NWD2: variants seen among roughly 807,000 people sequenced by gnomAD.
The protein encoded by NWD2 is NACHT and WD repeat domain-containing protein 2.
In NWD2, 37 loss-of-function variants were observed where a neutral mutation model predicts 132.7. The observed-to-expected ratio is 0.28, with a 90% CI of 0.21 to 0.37. NWD2 has a LOEUF of 0.37. NWD2 is among the 10% of genes least tolerant of loss of function. The pLI is 1.00. For synonymous variants in NWD2, 705 were observed against 803.0 expected, an observed-to-expected ratio of 0.88 and a Z score of 2.06; for missense variants, 1,592 against 2,122.4, an observed-to-expected ratio of 0.75 and a Z score of 4.91.
intron 1 of NWD2, among the ~76,000 whole-genome samples, chr4:37,283,890 G>T (rs1394279945): frequency 6.6e-6 from 1 of 152,126 alleles, no homozygotes; most frequent in Non-Finnish European, 1.5e-5. Context: ...TGGGGCTTCA[G>T]TTTTCTCATC....
chr4:37,412,885 A>T (rs1285487536), intron 3 of NWD2, among the ~76,000 whole-genome samples: 1 of 152,246 alleles, frequency 6.6e-6, no homozygotes, highest in African/African-American at 2.4e-5. Flanking sequence ...TGGGGAAAAC[A>T]TTCCCTATTT....
chr4:37,392,587 G>T (rs1720699143), intron 3 of NWD2, among the ~76,000 whole-genome samples: 1 of 152,170 alleles, frequency 6.6e-6, no homozygotes, highest in African/African-American at 2.4e-5. Flanking sequence ...AGAATCACTG[G>T]TGTAGATGAT....
chr4:37,261,842 G>C (rs1717643144), intron 1 of NWD2, among the ~76,000 whole-genome samples: 1 of 152,278 alleles, frequency 6.6e-6, no homozygotes, highest in African/African-American at 2.4e-5. Flanking sequence ...GTCATAAAAG[G>C]TCTGTCTGAT....
At chr4:37,344,194 T>C (rs1030698028) in intron 2 of NWD2, among the ~76,000 whole-genome samples, 2 of 152,210 alleles carry the variant, frequency 1.3e-5, no homozygotes, top group African/African-American at 4.8e-5. Flanking sequence ...TCTTGTCTTG[T>C]TGAGCACTTT....
chr4:37,353,868 C>T (rs544565799), intron 2 of NWD2, among the ~76,000 whole-genome samples: 8 of 152,128 alleles, frequency 5.3e-5, no homozygotes, highest in African/African-American at 1.7e-4. Context: ...ACTCATTCTC[C>T]GCCCAGTTTT....
intron 3 of NWD2, among the ~76,000 whole-genome samples, chr4:37,397,073 T>G (rs1469264310): frequency 6.6e-6 from 1 of 151,404 alleles, no homozygotes; most frequent in Non-Finnish European, 1.5e-5. Flanking sequence ...TTTCCTGGAA[T>G]GAATCCCTCT....
intron 3 of NWD2, among the ~76,000 whole-genome samples, chr4:37,387,225 C>G (rs28582078): frequency 0.28 from 42,140 of 151,780 alleles, 6,121 homozygotes; most frequent in Admixed American, 0.34. Context: ...AAATTAAAAA[C>G]AAATGGAATT....
intron 1 of NWD2, among the ~76,000 whole-genome samples, chr4:37,318,850 G>A (rs1011762303): frequency 2.0e-5 from 3 of 152,138 alleles, no homozygotes; most frequent in Non-Finnish European, 4.4e-5. Flanking sequence ...TGGTGTATAT[G>A]TACCACATTT....
chr4:37,420,440 C>A (rs1345332536), intron 3 of NWD2, among the ~76,000 whole-genome samples: 1 of 152,204 alleles, frequency 6.6e-6, no homozygotes, highest in Admixed American at 6.5e-5. Context: ...AATCTCAGCA[C>A]TTTGGGAGGC....
chr4:37,269,555 G>A (rs1465415574), intron 1 of NWD2, among the ~76,000 whole-genome samples: 3 of 151,826 alleles, frequency 2.0e-5, no homozygotes, highest in East Asian at 3.9e-4. Flanking sequence ...TTCTCTCACC[G>A]TTGATAGTTG....
chr4:37,416,944 G>A (rs1711630091), intron 3 of NWD2, among the ~76,000 whole-genome samples: 2 of 152,004 alleles, frequency 1.3e-5, no homozygotes, highest in Non-Finnish European at 2.9e-5. Flanking sequence ...GGAACTGGGG[G>A]GAAAGGGTGG....
chr4:37,379,122 G>A (rs1162509913), intron 3 of NWD2, among the ~76,000 whole-genome samples: 1 of 152,156 alleles, frequency 6.6e-6, no homozygotes, highest in Admixed American at 6.5e-5. Context: ...TGGTAATTCA[G>A]TGGAAAACCA....
intron 1 of NWD2, among the ~76,000 whole-genome samples, chr4:37,323,056 G>C (rs1314728735): frequency 6.6e-6 from 1 of 152,086 alleles, no homozygotes; most frequent in Non-Finnish European, 1.5e-5. Flanking sequence ...GTATGCTCTT[G>C]AGCGAGTTTT....
intron 3 of NWD2, among the ~76,000 whole-genome samples, chr4:37,394,333 A>T (rs1178191069): frequency 6.6e-6 from 1 of 152,240 alleles, no homozygotes; most frequent in Admixed American, 6.5e-5. Context: ...TGCAAGGGAG[A>T]TAATGAAATT....
chr4:37,300,111 T>A (rs541288251), intron 1 of NWD2, among the ~76,000 whole-genome samples: 2 of 152,288 alleles, frequency 1.3e-5, no homozygotes, highest in East Asian at 3.9e-4. Flanking sequence ...CCAGCTTAAT[T>A]GTAGTCTTCT....
In NWD2 at chr4:37,339,954, GT is replaced by G. The variant is rs3028269; in HGVS notation, c.240+13944del. ...GGTATTTGAATTTCTGTTTCTGGTT[GT>G]TTTTTTTTTTTTTCACTGAAGATAA... On this transcript the variant is annotated intron_variant, in intron 2 of 6. Coordinates refer to ENST00000309447, the MANE Select transcript of NWD2 (RefSeq NM_001144990.2). Among the ~76,000 whole-genome samples, 1,170 of 126,554 alleles carry G rather than the reference GT, an allele frequency of 9.2e-3. 9 individuals carry two copies. The highest frequency in any genetic ancestry group is 0.028 in the African/African-American group (982 of 34,654). The allele number at this position is 126,554 out of a possible 152,430, so 83.0% of individuals were successfully genotyped here.
At chr4:37,383,381 CAG>C (rs1196690145) in intron 3 of NWD2, among the ~76,000 whole-genome samples, 1 of 152,140 alleles carries the variant, frequency 6.6e-6, no homozygotes, top group African/African-American at 2.4e-5. Flanking sequence ...CTTGATATGC[CAG>C]AGACGCCTAC....
chr4:37,431,385 T>C (rs1712174430), intron 4 of NWD2, among the ~76,000 whole-genome samples: 2 of 152,200 alleles, frequency 1.3e-5, no homozygotes, highest in Non-Finnish European at 1.5e-5. Context: ...TGGATGAACC[T>C]GGAGGACATT....
intron 3 of NWD2, among the ~76,000 whole-genome samples, chr4:37,403,199 G>C (rs928350986): frequency 6.6e-6 from 1 of 152,226 alleles, no homozygotes; most frequent in Non-Finnish European, 1.5e-5. Flanking sequence ...TGAGAATGCA[G>C]TGATGAGCGA....
Sources: gnomAD v4.1 joint callset for allele counts (sites outside exome capture counted in the v4.1 genomes callset) on GRCh38, gnomAD v4.1.1 for gene constraint, MANE v1.5 for transcripts, NCBI Gene and HGNC (gene_info 2026-07-23, HGNC 2026-07-21) for gene names.